The following GALNTL6 variants were observed in gnomAD, a reference collection of about 807,000 sequenced individuals.
The protein encoded by GALNTL6 is polypeptide N-acetylgalactosaminyltransferase-like 6.
A neutral mutation model predicts 73.7 loss-of-function variants in GALNTL6; 46 were observed. The observed-to-expected ratio is 0.62, with a 90% CI of 0.49 to 0.80. GALNTL6 has a LOEUF of 0.80. Among genes scored for constraint, GALNTL6 ranks in the 30% least tolerant of loss-of-function variants. The probability of loss-of-function intolerance (pLI) is 0.00; values close to 1 mark genes in which losing one functional copy is unlikely to be tolerated. For synonymous variants in GALNTL6, 259 were observed against 263.7 expected (o/e 0.98, Z 0.17); for missense variants, 604 against 755.0 (o/e 0.80, Z 2.34).
At chr4:172,373,588 G>A (rs746954862) in intron 5 of GALNTL6, among the ~76,000 whole-genome samples, 1 of 152,128 alleles carries the variant, frequency 6.6e-6, no homozygotes, top group Non-Finnish European at 1.5e-5. Flanking sequence ...AGCCTGATTT[G>A]GACTGGGTGG....
chr4:172,039,531 T>C (rs1267562259), intron 2 of GALNTL6, among the ~76,000 whole-genome samples: 1 of 152,116 alleles, frequency 6.6e-6, no homozygotes, highest in African/African-American at 2.4e-5. Context: ...GTAGCTTCTC[T>C]AGTAGGGGAC....
chr4:172,534,225 C>G (rs338038), intron 5 of GALNTL6, among the ~76,000 whole-genome samples: 152,166 of 152,306 alleles, frequency 1, 76,013 homozygotes, highest in Non-Finnish European at 1. Context: ...GCTGCTGGGG[C>G]AGAAGTGTTA....
chr4:172,544,148 C>A (rs974799936), intron 5 of GALNTL6, among the ~76,000 whole-genome samples: 3 of 152,126 alleles, frequency 2.0e-5, no homozygotes, highest in African/African-American at 7.2e-5. Flanking sequence ...GCTCACAGGA[C>A]CAGATCCTGG....
At chr4:172,949,640 T>C (rs750904420) in intron 9 of GALNTL6, among the ~76,000 whole-genome samples, 3 of 152,158 alleles carry the variant, frequency 2.0e-5, no homozygotes, top group Non-Finnish European at 4.4e-5. Flanking sequence ...CGGGGTGCGC[T>C]GGCTCACAGC....
At chr4:171,832,689 G>C (rs1309214247) in intron 2 of GALNTL6, among the ~76,000 whole-genome samples, 1 of 151,562 alleles carries the variant, frequency 6.6e-6, no homozygotes, top group Non-Finnish European at 1.5e-5. Flanking sequence ...ATTTGAGTAA[G>C]TACAAAGTAT....
At chr4:171,853,600 T>C (rs13146933) in intron 2 of GALNTL6, among the ~76,000 whole-genome samples, 1 of 20,908 alleles carries the variant, frequency 4.8e-5, no homozygotes, top group African/African-American at 2.2e-4. Context: ...TTAGCCACTC[T>C]TTTTTTTTTT....
At chr4:172,193,088 C>T (rs1735634487) in intron 2 of GALNTL6, among the ~76,000 whole-genome samples, 2 of 152,238 alleles carry the variant, frequency 1.3e-5, no homozygotes, top group Non-Finnish European at 2.9e-5. Context: ...GTCTTTCTTG[C>T]ATGCTGGCTC....
rs542089486 is a variant in GALNTL6 at position 172,557,919 on chromosome 4, T to C, written c.553+209230T>C. On this transcript the variant is annotated intron_variant, in intron 5 of 12. Coordinates refer to ENST00000506823, the MANE Select transcript of GALNTL6 (RefSeq NM_001034845.3). Reference sequence around the variant, plus strand: ...ATATATATCAAGAAAAATAAAAACATATTCACATCAAAAATTTGTACAGGA... The same window carrying C: ...ATATATATCAAGAAAAATAAAAACACATTCACATCAAAAATTTGTACAGGA... 8.5e-5 allele frequency among the ~76,000 whole-genome samples: 13 copies of C among 152,148 alleles called. No homozygotes were observed. The South Asian group carries it at 2.5e-3, about 29-fold the overall frequency.
intron 5 of GALNTL6, among the ~76,000 whole-genome samples, chr4:172,691,850 A>G (rs1261512968): frequency 2.0e-5 from 3 of 152,256 alleles, no homozygotes; most frequent in Non-Finnish European, 4.4e-5. Context: ...TGAGCAAGAC[A>G]ATCTAAATTA....
intron 5 of GALNTL6, among the ~76,000 whole-genome samples, chr4:172,659,147 G>A (rs139641947): frequency 4.4e-4 from 67 of 152,282 alleles, no homozygotes; most frequent in Middle Eastern, 3.4e-3. Context: ...TAAGGCATAA[G>A]TTTCACAGAG....
chr4:172,563,065 G>A (rs1004174242), intron 5 of GALNTL6, among the ~76,000 whole-genome samples: 10 of 152,146 alleles, frequency 6.6e-5, no homozygotes, highest in East Asian at 3.8e-4. Context: ...TGAGCTTTCC[G>A]TGATCCTACC....
chr4:172,942,690 C>T (rs955866752), intron 9 of GALNTL6, among the ~76,000 whole-genome samples: 1 of 152,176 alleles, frequency 6.6e-6, no homozygotes, highest in African/African-American at 2.4e-5. Flanking sequence ...TTTCTGCTTT[C>T]GCTTGCCTCT....
At chr4:172,956,710 T>C (rs1052408466) in intron 10 of GALNTL6, among the ~76,000 whole-genome samples, 1 of 152,170 alleles carries the variant, frequency 6.6e-6, no homozygotes, top group Non-Finnish European at 1.5e-5. Flanking sequence ...GGGCTGTACC[T>C]TGTAGCATTC....
chr4:172,876,949 T>C (rs1027154187), intron 7 of GALNTL6, among the ~76,000 whole-genome samples: 1 of 152,244 alleles, frequency 6.6e-6, no homozygotes, highest in Non-Finnish European at 1.5e-5. Context: ...TTCATCTATA[T>C]GTTTATTGAC....
chr4:172,060,501 A>C (rs1031704211), intron 2 of GALNTL6, among the ~76,000 whole-genome samples: 7 of 152,214 alleles, frequency 4.6e-5, no homozygotes, highest in African/African-American at 1.4e-4. Context: ...TTGATGATTT[A>C]TCGTAGTCAA....
chr4:172,087,455 AAAACAAAAAAAACAAAAAAAAC>A (rs1292645848), intron 2 of GALNTL6, among the ~76,000 whole-genome samples: 115 of 145,130 alleles, frequency 7.9e-4, no homozygotes, highest in African/African-American at 2.9e-3. Flanking sequence ...AAAAAAAAAA[AAAACAAAAAAAACAAAAAAAAC>A]AAAATAGAGC....
In GALNTL6 at chr4:172,167,816, G is replaced by A. The variant is rs540621103; in HGVS notation, c.139-61840G>A. ...TACTAAAAATACAAAAAAATTAGCC[G>A]GGCGCGGTGGCGGGCGCCTGTAGTC... On this transcript the variant is annotated intron_variant, in intron 2 of 12. Coordinates refer to ENST00000506823, the MANE Select transcript of GALNTL6 (RefSeq NM_001034845.3). Among the ~76,000 whole-genome samples, 15 of 147,650 alleles carry A rather than the reference G, an allele frequency of 1.0e-4. No individual in the cohort carries two copies. The South Asian group carries it at 1.3e-3, about 13-fold the overall frequency.
intron 2 of GALNTL6, among the ~76,000 whole-genome samples, chr4:171,857,781 G>A (rs1039227140): frequency 2.6e-4 from 39 of 152,146 alleles, no homozygotes; most frequent in African/African-American, 9.4e-4. Flanking sequence ...CACATGAGCT[G>A]CTTTGCAGGG....
intron 3 of GALNTL6, among the ~76,000 whole-genome samples, chr4:172,264,557 T>A (rs1469752907): frequency 1.1e-4 from 2 of 18,142 alleles, no homozygotes; most frequent in Non-Finnish European, 1.7e-4. Context: ...ATATGCCAAA[T>A]ATATATATAT....
Sources: gnomAD v4.1 joint callset for allele counts (sites outside exome capture counted in the v4.1 genomes callset) on GRCh38, gnomAD v4.1.1 for gene constraint, MANE v1.5 for transcripts, NCBI Gene and HGNC (gene_info 2026-07-23, HGNC 2026-07-21) for gene names.